DPP6: variants seen among roughly 807,000 people sequenced by gnomAD.
DPP6 encodes A-type potassium channel modulatory protein DPP6.
DPP6 carries 69 observed loss-of-function variants against 122.6 expected under a neutral mutation model. That is an observed-to-expected ratio of 0.56 (90% CI 0.46 to 0.69). DPP6 has a LOEUF of 0.69. Ranked by LOEUF, DPP6 falls within the 30% of genes least tolerant of loss-of-function variation. DPP6 has a pLI of 0.00. For synonymous variants in DPP6, 418 were observed against 433.1 expected, an observed-to-expected ratio of 0.97 and a Z score of 0.43; for missense variants, 928 against 1,116.9, an observed-to-expected ratio of 0.83 and a Z score of 2.41.
At chr7:153,766,406 ATATATTT>A in the DPP6 span, among the ~76,000 whole-genome samples, 1 of 152,110 alleles carries the variant, frequency 6.6e-6, no homozygotes, top group African/African-American at 2.4e-5. Context: ...CTATTTCTAG[ATATATTT>A]TATGTTTATC....
intron 1 of DPP6, among the ~76,000 whole-genome samples, chr7:153,983,406 T>C (rs1796689502): frequency 6.6e-6 from 1 of 152,222 alleles, no homozygotes; most frequent in Admixed American, 6.5e-5. Flanking sequence ...CTGACCAAGC[T>C]TGAGCATCCC....
intron 21 of DPP6, among the ~76,000 whole-genome samples, chr7:154,881,812 T>C (rs3800578): frequency 0.32 from 48,998 of 152,004 alleles, 8,137 homozygotes; most frequent in East Asian, 0.51. Flanking sequence ...GGAGGTGAAG[T>C]GGTCAGGAGG....
At chr7:154,665,821 GTTTA>G (rs1336929163) in intron 6 of DPP6, among the ~76,000 whole-genome samples, 2 of 151,716 alleles carry the variant, frequency 1.3e-5, no homozygotes, top group Non-Finnish European at 2.9e-5. Flanking sequence ...AAACTTCACA[GTTTA>G]TTTTAGTGTT....
intron 1 of DPP6, among the ~76,000 whole-genome samples, chr7:154,247,970 A>G (rs1473636021): frequency 3.3e-5 from 5 of 152,200 alleles, no homozygotes; most frequent in Non-Finnish European, 7.3e-5. Context: ...CTTATAAACA[A>G]AAGAAATGTA....
chr7:153,926,786 C>T (rs1381944656), intron 1 of DPP6, among the ~76,000 whole-genome samples: 1 of 144,750 alleles, frequency 6.9e-6, no homozygotes, highest in Non-Finnish European at 1.5e-5. Context: ...CCTGGTTCCC[C>T]CAGAAAAATA....
chr7:154,370,577 A>G (rs921440262), intron 1 of DPP6, among the ~76,000 whole-genome samples: 1 of 152,210 alleles, frequency 6.6e-6, no homozygotes, highest in African/African-American at 2.4e-5. Flanking sequence ...TCCTGTTTGT[A>G]TAACCTTTAT....
In DPP6 at chr7:153,964,958, T is replaced by TTTTCTTTCTTTCTC. The variant is rs1563055685; in HGVS notation, c.51+77225_51+77226insTTCTTTCTTTCTCT. ...TCTTTCTTTTTCTTTCTTTCTCTCT[T>TTTTCTTTCTTTCTC]TCTTTCTTTCATTTCTTTTCCCTTC... is the stretch of plus-strand genomic sequence containing the variant. On this transcript the variant is annotated intron_variant, in intron 1 of 25. Coordinates refer to the DPP6 transcript ENST00000404039. Among the ~76,000 whole-genome samples, 12 of 141,482 alleles carry TTTTCTTTCTTTCTC rather than the reference T, an allele frequency of 8.5e-5. No individual in the cohort carries two copies. The East Asian group carries it at 1.2e-3, about 14-fold the overall frequency. 92.8% of individuals were successfully genotyped at this position (141,482 alleles called of 152,430 possible).
In DPP6 at chr7:154,090,741, C is replaced by T. The variant is rs1378549987; in HGVS notation, c.243+37678C>T. ...AAGAAAAGCTGAATCCAATCCTTGG[C>T]TTTTACTCACCTTGTTTAAATTACT... is the stretch of plus-strand genomic sequence containing the variant. On this transcript the variant is annotated intron_variant, in intron 1 of 25. Transcript: ENST00000377770. 2.7e-5 allele frequency among the ~76,000 whole-genome samples: 4 copies of T among 149,882 alleles called. No individual in the cohort carries two copies. In the East Asian group the frequency reaches 7.8e-4, roughly 29 times the overall value.
At chr7:154,586,714 A>T (rs1832478212) in intron 5 of DPP6, among the ~76,000 whole-genome samples, 1 of 152,154 alleles carries the variant, frequency 6.6e-6, no homozygotes, top group South Asian at 2.1e-4. Context: ...CCACTAAACG[A>T]GTCCTGAGTG....
At chr7:154,587,396 C>T (rs967439484) in intron 5 of DPP6, 4 of 563,786 alleles carry the variant, frequency 7.1e-6, no homozygotes, top group African/African-American at 3.8e-5. Flanking sequence ...TCTCCTCTTG[C>T]CAGGACCAAT....
At chr7:153,997,742 C>T (rs1797513847) in intron 1 of DPP6, among the ~76,000 whole-genome samples, 3 of 147,340 alleles carry the variant, frequency 2.0e-5, no homozygotes, top group Admixed American at 1.3e-4. Context: ...ACAAAAAGCT[C>T]CTAGACGTCT....
At chr7:154,196,461 G>T (rs762816794) in intron 1 of DPP6, among the ~76,000 whole-genome samples, 3 of 152,244 alleles carry the variant, frequency 2.0e-5, no homozygotes, top group Non-Finnish European at 2.9e-5. Flanking sequence ...CTGCACTCCA[G>T]CCTGGGTGAC....
chr7:154,610,749 G>T (rs1833865418), intron 5 of DPP6, among the ~76,000 whole-genome samples: 1 of 146,080 alleles, frequency 6.8e-6, no homozygotes, highest in Admixed American at 6.9e-5. Flanking sequence ...GTGTGTGATT[G>T]TGCACCTGTA....
the DPP6 span, among the ~76,000 whole-genome samples, chr7:153,845,067 C>A: frequency 2.8e-4 from 43 of 152,156 alleles, no homozygotes; most frequent in Admixed American, 4.6e-4. Context: ...GAAGAATTGG[C>A]TTTAACAGAT....
chr7:154,723,576 C>T (rs1446033531), intron 7 of DPP6, among the ~76,000 whole-genome samples: 1 of 152,130 alleles, frequency 6.6e-6, no homozygotes, highest in Non-Finnish European at 1.5e-5. Flanking sequence ...GGAAGTTTTC[C>T]ACCTCATTTC....
the DPP6 span, among the ~76,000 whole-genome samples, chr7:153,844,409 A>G: frequency 3.6e-3 from 554 of 152,334 alleles, 4 homozygotes; most frequent in African/African-American, 0.012. Context: ...AAAATTAACA[A>G]TAGTGGATCC....
At chr7:154,739,420 C>T (rs73498035) in intron 8 of DPP6, among the ~76,000 whole-genome samples, 2,263 of 152,222 alleles carry the variant, frequency 0.015, 54 homozygotes, top group African/African-American at 0.05. Context: ...GCTGAGGGGA[C>T]GCCAGGGGTC....
At chr7:153,778,896 A>G in the DPP6 span, among the ~76,000 whole-genome samples, 4 of 149,272 alleles carry the variant, frequency 2.7e-5, no homozygotes, top group Admixed American at 6.6e-5. Flanking sequence ...GTTTACAGCA[A>G]CTTTATTCAT....
intron 1 of DPP6, among the ~76,000 whole-genome samples, chr7:154,273,018 G>T (rs932367594): frequency 2.6e-5 from 4 of 152,140 alleles, no homozygotes; most frequent in African/African-American, 9.7e-5. Flanking sequence ...TCCCACTGGA[G>T]TCTCTTTTAT....
Sources: gnomAD v4.1 joint callset for allele counts (sites outside exome capture counted in the v4.1 genomes callset) on GRCh38, gnomAD v4.1.1 for gene constraint, MANE v1.5 for transcripts, NCBI Gene and HGNC (gene_info 2026-07-23, HGNC 2026-07-21) for gene names.